BRD10: variants seen among roughly 807,000 people sequenced by gnomAD.
BRD10 encodes the protein bromodomain containing 10.
the BRD10 span, among the ~76,000 whole-genome samples, chr9:5,944,439 A>G: frequency 2.6e-5 from 4 of 152,240 alleles, no homozygotes; most frequent in African/African-American, 9.6e-5. Flanking sequence ...ATTGTTAAGT[A>G]TGTGTCAAAA....
chr9:5,883,533 A>G, the BRD10 span, among the ~76,000 whole-genome samples: 1 of 145,436 alleles, frequency 6.9e-6, no homozygotes. Flanking sequence ...TGGTGCAATC[A>G]TAGCTCACTA....
the BRD10 span, among the ~76,000 whole-genome samples, chr9:5,970,358 A>T: frequency 6.6e-6 from 1 of 152,196 alleles, no homozygotes; most frequent in South Asian, 2.1e-4. Flanking sequence ...GTATATATTA[A>T]GCAGGGAGGT....
the BRD10 span, among the ~76,000 whole-genome samples, chr9:5,934,059 C>A: frequency 6.6e-6 from 1 of 150,908 alleles, no homozygotes; most frequent in Non-Finnish European, 1.5e-5. Flanking sequence ...TATATCTAAA[C>A]AAAACAGGTA....
chr9:5,907,378 G>A, the BRD10 span, among the ~76,000 whole-genome samples: 1 of 152,134 alleles, frequency 6.6e-6, no homozygotes, highest in Non-Finnish European at 1.5e-5. Context: ...AAGGGATAAA[G>A]TACCTATTAT....
chr9:5,966,010 C>G, the BRD10 span, among the ~76,000 whole-genome samples: 4 of 152,124 alleles, frequency 2.6e-5, no homozygotes, highest in East Asian at 5.8e-4. Context: ...AATGTTTACC[C>G]AGTATTAACT....
chr9:5,906,948 G>A, the BRD10 span: 12 of 1,598,998 alleles, frequency 7.5e-6, no homozygotes, highest in Non-Finnish European at 1.0e-5. Flanking sequence ...AGAAGGGTTT[G>A]ATCATCGGGA....
the BRD10 span, among the ~76,000 whole-genome samples, chr9:5,927,253 T>A: frequency 6.6e-6 from 1 of 152,286 alleles, no homozygotes; most frequent in African/African-American, 2.4e-5. Context: ...CTCACCTTAA[T>A]GTATATTCCT....
chr9:5,900,532 T>C, the BRD10 span, among the ~76,000 whole-genome samples: 1 of 152,204 alleles, frequency 6.6e-6, no homozygotes, highest in Non-Finnish European at 1.5e-5. Context: ...TCTTCAGTGA[T>C]TCTATTTTCA....
chr9:5,956,573 C>A, the BRD10 span, among the ~76,000 whole-genome samples: 1 of 151,992 alleles, frequency 6.6e-6, no homozygotes, highest in Non-Finnish European at 1.5e-5. Flanking sequence ...TTATAACACC[C>A]CAAAAGCTTA....
At chr9:5,891,274 G>C in the BRD10 span, 1 of 152,218 alleles carries the variant, frequency 6.6e-6, no homozygotes, top group Non-Finnish European at 1.5e-5. Context: ...TGCTGTTGCT[G>C]CACCATTTGC....
At chr9:5,976,484 A>G in the BRD10 span, among the ~76,000 whole-genome samples, 2 of 152,192 alleles carry the variant, frequency 1.3e-5, no homozygotes, top group African/African-American at 4.8e-5. Flanking sequence ...GTTTATTACT[A>G]TTCTTGGCAG....
the BRD10 span, chr9:6,007,942 G>T: frequency 3.0e-6 from 4 of 1,330,002 alleles, no homozygotes; most frequent in Non-Finnish European, 3.8e-6. Context: ...CTCGGTGCGC[G>T]CGGGGGTCTT....
chr9:5,993,371 C>T, the BRD10 span, among the ~76,000 whole-genome samples: 1 of 149,742 alleles, frequency 6.7e-6, no homozygotes, highest in East Asian at 1.9e-4. Context: ...CTTAGTTCAC[C>T]TATCCATTTA....
the BRD10 span, among the ~76,000 whole-genome samples, chr9:5,911,840 G>C: frequency 2.0e-5 from 3 of 152,030 alleles, no homozygotes; most frequent in Admixed American, 2.0e-4. Context: ...CAGCCTGTAG[G>C]TCTTTTGTGG....
the BRD10 span, among the ~76,000 whole-genome samples, chr9:5,971,568 C>T: frequency 6.6e-6 from 1 of 152,138 alleles, no homozygotes; most frequent in Non-Finnish European, 1.5e-5. Context: ...ACAACTTGCT[C>T]TTTTATAGAA....
the BRD10 span, among the ~76,000 whole-genome samples, chr9:5,987,515 A>C: frequency 6.6e-6 from 1 of 152,236 alleles, no homozygotes; most frequent in African/African-American, 2.4e-5. Flanking sequence ...CAAGGAAAAA[A>C]AAAATACTTT....
chr9:5,903,713 G>T, the BRD10 span, among the ~76,000 whole-genome samples: 2 of 152,100 alleles, frequency 1.3e-5, no homozygotes, highest in Admixed American at 1.3e-4. Context: ...GTGTTCTTAT[G>T]TCTTCTTGGA....
the BRD10 span, among the ~76,000 whole-genome samples, chr9:5,976,531 CCTGA>C: frequency 1.3e-5 from 2 of 152,136 alleles, no homozygotes; most frequent in African/African-American, 4.8e-5. Context: ...CATAATTAAT[CCTGA>C]CTATGAGCTC....
At chr9:5,952,882 T>G in the BRD10 span, among the ~76,000 whole-genome samples, 1 of 152,206 alleles carries the variant, frequency 6.6e-6, no homozygotes, top group Admixed American at 6.5e-5. Flanking sequence ...AATTGTTATT[T>G]TTTTATTAAC....
Sources: allele counts gnomAD v4.1 joint callset (sites outside exome capture counted in the v4.1 genomes callset), GRCh38; gene constraint gnomAD v4.1.1; transcripts MANE v1.5; gene names NCBI Gene and HGNC (gene_info 2026-07-23, HGNC 2026-07-21).